Variants in ZNF518B observed in about 807,000 individuals in gnomAD.
The protein encoded by ZNF518B is zinc finger protein 518B.
ZNF518B carries 23 observed loss-of-function variants against 56.3 expected under a neutral mutation model. That is an observed-to-expected ratio of 0.41 (90% confidence interval 0.29 to 0.58). The LOEUF (loss-of-function observed/expected upper bound fraction) is 0.58. ZNF518B is among the 20% of genes least tolerant of loss of function. The pLI is 0.32. For missense variants in ZNF518B, 1,460 were observed against 1,272.1 expected (o/e 1.15, Z -2.25); for synonymous variants, 529 against 465.9 (o/e 1.14, Z -1.74).
In ZNF518B at chr4:10,445,701, T is replaced by G; in HGVS notation, c.628A>C (p.Lys210Gln). ...GCACCTGCCCTTTCATGTACTCTCT[T>G]CGTGTGTTTGACAATATAATCATTT... ...IRNDYIVKHT[K>Q]RVHERAGAKR... Residue 210 changes from lysine to glutamine, a missense_variant, in exon 3 of 3, where the codon AAG becomes CAG. Coordinates refer to ENST00000326756, the MANE Select transcript of ZNF518B (RefSeq NM_053042.3). The G allele has an allele frequency of 6.2e-7, 1 of 1,614,194 alleles. No homozygotes were observed. Among genetic ancestry groups the G allele is most frequent in the Non-Finnish European group, 8.5e-7 (1 of 1,180,032 alleles).
rs755103121 is a variant in ZNF518B, at chr4:10,444,654, C to T, written c.1675G>A (p.Val559Ile). 3.1e-6 allele frequency: 5 copies of T among 1,614,206 alleles called. No individual in the cohort carries two copies. In the South Asian group the frequency reaches 5.5e-5, roughly 18 times the overall value. The change falls in exon 3 of 3, where the codon GTC becomes ATC. Residue 559 changes from valine (V) to isoleucine (I), a missense_variant. By Grantham distance (29) the Val-to-Ile change is conservative (BLOSUM62 3). Coordinates refer to ENST00000326756, the MANE Select transcript of ZNF518B (RefSeq NM_053042.3). ...SENDLESTSK[V>I]NIPVKVVSSN... ...GAAACCACTTTTACAGGAATATTGA[C>T]TTTACTTGTAGATTCCAAGTCATTT... is the stretch of plus-strand genomic sequence containing the variant.
chr4:10,453,070 A>G (rs1438318482), intron 2 of ZNF518B: 1 of 152,264 alleles, frequency 6.6e-6, no homozygotes, highest in Non-Finnish European at 1.5e-5. Context: ...TTGGTTTACT[A>G]GCACATGATT....
chr4:10,460,336 A>AAAAAAAAAAAAAAG (rs1577231486), upstream of ZNF518B, among the ~76,000 whole-genome samples: 1 of 148,824 alleles, frequency 6.7e-6, no homozygotes, highest in Non-Finnish European at 1.5e-5. Context: ...AAAAAAAAAA[A>AAAAAAAAAAAAAAG]AACCGACCAT....
Position 10,445,487 on chromosome 4 carries a change from G to C in ZNF518B, c.842C>G (p.Pro281Arg), listed in dbSNP as rs1454538233. The change falls in exon 3 of 3, where the codon CCA (proline) becomes CGA (arginine). Residue 281 changes from proline (P) to arginine (R), a missense_variant. By Grantham distance (103) the Pro-to-Arg change is moderately radical. Coordinates refer to ENST00000326756, the MANE Select transcript of ZNF518B (RefSeq NM_053042.3). ...AACTACATCTTTTTGGTATTCCTTT[G>C]GTTCAGGTAACAACATGATATTGTG... is the stretch of plus-strand genomic sequence containing the variant. ...KMHNIMLLPE[P>R]KEYQKDVVCI... 5.0e-6 allele frequency: 8 copies of C among 1,614,026 alleles called. No individual in the cohort carries two copies. Among genetic ancestry groups the C allele is most frequent in the Non-Finnish European group, 6.8e-6 (8 of 1,180,026 alleles).
rs947425869 is a variant in ZNF518B, at chr4:10,440,743, G to A, written c.*2361C>T. 1.3e-5 allele frequency: 2 copies of A among 152,158 alleles called. No individual in the cohort carries two copies. Among genetic ancestry groups the A allele is most frequent in the Non-Finnish European group, 2.9e-5 (2 of 68,036 alleles). 9.4% of individuals were successfully genotyped at this position (152,158 alleles called of 1,614,324 possible). A position where few individuals can be genotyped will look rare whatever the true frequency, so the allele number is the denominator to read the frequency against. On this transcript the variant is annotated 3_prime_UTR_variant, in exon 3 of 3. Transcript: ENST00000326756. ...TATGCTTGAAAGTTGATGCTGCGAA[G>A]TGAAAATACTTCATGTTGACAGTTA...
In ZNF518B at chr4:10,446,262, A is replaced by G; in HGVS notation, c.67T>C (p.Ser23Pro). 6.2e-7 allele frequency: 1 copy of G among 1,614,220 alleles called. No individual in the cohort carries two copies. The highest frequency in any genetic ancestry group is 8.5e-7 in the Non-Finnish European group (1 of 1,180,040). The change falls in exon 3 of 3, where the codon TCA becomes CCA. Residue 23 changes from serine to proline, a missense_variant. Ser to Pro is a moderately conservative substitution (Grantham distance 74, BLOSUM62 -1). Transcript: ENST00000326756. ...LNGGHNSLTM[S>P]PKQPDANGAP... The stretch of plus-strand genomic sequence containing the variant: ...CCATTAGCATCAGGCTGTTTGGGTG[A>G]CATGGTCAAGGAATTATGTCCGCCG...
At chr4:10,452,562 C>T (rs1715364268) in intron 2 of ZNF518B, 1 of 152,116 alleles carries the variant, frequency 6.6e-6, no homozygotes, top group African/African-American at 2.4e-5. Flanking sequence ...GAGGAAGAAA[C>T]TGTTGCCTCA....
At position 10,454,884 on chromosome 4, in the gene ZNF518B, C is replaced by T. The variant is rs1352694377; in HGVS notation, c.-291G>A. On this transcript the variant is annotated 5_prime_UTR_variant, in exon 2 of 3. Coordinates refer to ENST00000326756, the MANE Select transcript of ZNF518B (RefSeq NM_053042.3). ...ATGGGCTCTTCCTTCTCTTTCAGGCCTTCTCTTCTCAGGCGTGGACTGCCA... is the reference window on the plus strand; with the variant it reads ...ATGGGCTCTTCCTTCTCTTTCAGGCTTTCTCTTCTCAGGCGTGGACTGCCA... The T allele has an allele frequency of 6.6e-6, 1 of 152,272 alleles. No individual in the cohort carries two copies. Among genetic ancestry groups the T allele is most frequent in the East Asian group, 1.9e-4 (1 of 5,196 alleles). 9.4% of individuals were successfully genotyped at this position (152,272 alleles called of 1,614,324 possible). A position where few individuals can be genotyped will look rare whatever the true frequency, so the allele number is the denominator to read the frequency against.
rs749902199 is a variant in ZNF518B, at chr4:10,445,161, C to T, written c.1168G>A (p.Gly390Ser). ...AGTACTTTTTCTTGTTCATTTGAAC[C>T]CTTCTCTTTCACCATACGTTCAGAA... ...GNSERMVKEK[G>S]SNEQEKVLSA... The change falls in exon 3 of 3, where the codon GGT (glycine) becomes AGT (serine). Residue 390 changes from glycine to serine, a missense_variant. Physicochemically the swap from Gly to Ser is moderately conservative, Grantham distance 56. Transcript: ENST00000326756. The T allele has an allele frequency of 6.2e-7, 1 of 1,614,148 alleles. No homozygotes were observed. Among genetic ancestry groups the T allele is most frequent in the Non-Finnish European group, 8.5e-7 (1 of 1,180,030 alleles).
In ZNF518B at chr4:10,445,964, T is replaced by C. The variant is rs148620313; in HGVS notation, c.365A>G (p.Asn122Ser). The change falls in exon 3 of 3, where the codon AAT (asparagine) becomes AGT (serine). Residue 122 changes from asparagine (N) to serine (S), a missense_variant. By Grantham distance (46) the Asn-to-Ser change is conservative. Coordinates refer to ENST00000326756, the MANE Select transcript of ZNF518B (RefSeq NM_053042.3). ...NKTENFSSSV[N>S]SKFKVRNFKP... is the part of the protein sequence containing the mutation. Reference sequence around the variant, plus strand: ...AAAGTTCCTTACCTTAAATTTGCTATTGACAGAACTTGAGAAGTTTTCAGT... The same window carrying C: ...AAAGTTCCTTACCTTAAATTTGCTACTGACAGAACTTGAGAAGTTTTCAGT... 2.4e-5 allele frequency: 38 copies of C among 1,614,122 alleles called. No homozygotes were observed. Among genetic ancestry groups the C allele is most frequent in the Non-Finnish European group, 2.4e-5 (28 of 1,180,044 alleles).
upstream of ZNF518B, among the ~76,000 whole-genome samples, chr4:10,457,638 A>T (rs1172667944): frequency 2.0e-5 from 3 of 152,206 alleles, no homozygotes; most frequent in African/African-American, 7.2e-5. Flanking sequence ...GCCATGCCGC[A>T]GGCAAAAGAA....
At position 10,440,384 on chromosome 4, in the gene ZNF518B, A is replaced by G. The variant is rs1292522371; in HGVS notation, c.*2720T>C. The stretch of plus-strand genomic sequence containing the variant: ...AAAGTAAGAAAACCTACTTTAAAAA[A>G]TAAGTTGAAAATGATTTTATTGGCA... On this transcript the variant is annotated 3_prime_UTR_variant, in exon 3 of 3. Transcript: ENST00000326756. The G allele has an allele frequency of 1.5e-5, 2 of 134,880 alleles. No homozygotes were observed. The highest frequency in any genetic ancestry group is 7.3e-5 in the African/African-American group (2 of 27,442). 8.4% of individuals were successfully genotyped at this position (134,880 alleles called of 1,614,324 possible).
In ZNF518B at chr4:10,445,239, A is replaced by T. The variant is rs1483611882; in HGVS notation, c.1090T>A (p.Phe364Ile). 7 of 1,614,086 alleles carry T rather than the reference A, an allele frequency of 4.3e-6. No individual in the cohort carries two copies. The highest frequency in any genetic ancestry group is 1.3e-5 in the African/African-American group (1 of 74,934). ...NGTQQLVLKL[F>I]PLEENNCLEA... ...AGGCAATTATTTTCTTCCAGCGGAA[A>T]CAGTTTCAGAACAAGCTGCTGTGTA... is the stretch of plus-strand genomic sequence containing the variant. The change falls in exon 3 of 3, where the codon TTT becomes ATT. Residue 364 changes from phenylalanine (F) to isoleucine (I), a missense_variant. Transcript: ENST00000326756.
Position 10,443,454 on chromosome 4 carries a change from C to T in ZNF518B, c.2875G>A (p.Val959Met), listed in dbSNP as rs1340209226. Residue 959 changes from valine (V) to methionine (M), a missense_variant, in exon 3 of 3, where the codon GTG (valine) becomes ATG (methionine). Coordinates refer to ENST00000326756, the MANE Select transcript of ZNF518B (RefSeq NM_053042.3). The stretch of plus-strand genomic sequence containing the variant: ...TTGTATTTATTTATTACCTTCATCA[C>T]ATTGGTCACTTCTGGCGAGTCCACA... ...PDVDSPEVTNVMKVINKYKGN... is the reference protein window; with the variant it reads ...PDVDSPEVTNMMKVINKYKGN... 6.2e-7 allele frequency: 1 copy of T among 1,614,050 alleles called. No individual in the cohort carries two copies.
At chr4:10,456,702 C>T (rs1715547429) in intron 1 of ZNF518B, among the ~76,000 whole-genome samples, 1 of 152,214 alleles carries the variant, frequency 6.6e-6, no homozygotes, top group Admixed American at 6.5e-5. Flanking sequence ...CGTCGTCTCC[C>T]AGGCGCGTCC....
At chr4:10,453,646 G>T (rs1274078334) in intron 2 of ZNF518B, 2 of 152,080 alleles carry the variant, frequency 1.3e-5, no homozygotes, top group Non-Finnish European at 2.9e-5. Context: ...GTATCACACG[G>T]CATATTACAA....
At position 10,446,315 on chromosome 4, in the gene ZNF518B, C is replaced by A; in HGVS notation, c.14G>T (p.Gly5Val). The change falls in exon 3 of 3, where the codon GGA becomes GTA. Residue 5 changes from glycine (G) to valine (V), a missense_variant. Physicochemically the swap from Gly to Val is moderately radical, Grantham distance 109. Coordinates refer to ENST00000326756, the MANE Select transcript of ZNF518B (RefSeq NM_053042.3). Reference sequence around the variant, plus strand: ...CAAGTGTGTAGTGTATAGCTGCTGTCCAATATCCTTCATCTTATCTGCATT... The same window carrying A: ...CAAGTGTGTAGTGTATAGCTGCTGTACAATATCCTTCATCTTATCTGCATT... The part of the protein sequence containing the change: MKDI[G>V]QQLYTTHLNG... 1 of 1,609,140 alleles carries A rather than the reference C, an allele frequency of 6.2e-7. No homozygotes were observed. Among genetic ancestry groups the A allele is most frequent in the Non-Finnish European group, 8.5e-7 (1 of 1,176,632 alleles).
chr4:10,450,138 C>T (rs1242923832), intron 2 of ZNF518B, among the ~76,000 whole-genome samples: 2 of 152,134 alleles, frequency 1.3e-5, no homozygotes, highest in Admixed American at 6.6e-5. Flanking sequence ...GAGGCCTCTG[C>T]AAAACTTTCT....
rs139571645 is a variant in ZNF518B, at chr4:10,445,731, T to C, written c.598A>G (p.Ile200Val). 1.2e-5 allele frequency: 20 copies of C among 1,614,122 alleles called. No homozygotes were observed. The highest frequency in any genetic ancestry group is 1.6e-5 in the Non-Finnish European group (19 of 1,180,048). ...YQCEYCDYGA[I>V]RNDYIVKHTK... ...TGTTTGACAATATAATCATTTCTAA[T>C]AGCACCATAGTCACAATACTCACAC... The change falls in exon 3 of 3, where the codon ATT becomes GTT. Residue 200 changes from isoleucine (I) to valine (V), a missense_variant. Transcript: ENST00000326756.
Sources: allele counts gnomAD v4.1 joint callset (sites outside exome capture counted in the v4.1 genomes callset), GRCh38; gene constraint gnomAD v4.1.1; transcripts MANE v1.5; gene names NCBI Gene and HGNC (gene_info 2026-07-23, HGNC 2026-07-21).